Variants in ANK3 observed in about 807,000 individuals in gnomAD.
The protein encoded by ANK3 is ankyrin 3.
Under a neutral mutation model 370.9 loss-of-function variants are expected in ANK3, and 57 were observed. The ratio of observed to expected loss-of-function variants is 0.15; its 90% CI spans 0.12 to 0.19. The LOEUF is 0.19. Ranked by LOEUF, ANK3 falls within the 10% of genes least tolerant of loss-of-function variation. The pLI, the probability that ANK3 is intolerant of heterozygous loss-of-function variation, is 1.00. For missense variants in ANK3, 4,439 were observed against 5,302.1 expected, an observed-to-expected ratio of 0.84 and a Z score of 5.06; for synonymous variants, 1,929 against 1,946.3, an observed-to-expected ratio of 0.99 and a Z score of 0.23.
rs531332857 is a variant in ANK3 at position 60,068,729 on chromosome 10, G to A, written c.12152C>T (p.Thr4051Met). Reference sequence around the variant, plus strand: ...TGTTTTCTTATCTCTAGCAGACTTCGTTGTAACCGAAGGCTGGCCACCCCG... The same window carrying A: ...TGTTTTCTTATCTCTAGCAGACTTCATTGTAACCGAAGGCTGGCCACCCCG... Reference protein sequence around the residue: ...TSRGGQPSVTTKSARDKKTEA... With the variant: ...TSRGGQPSVTMKSARDKKTEA... The change falls in exon 37 of 44, where the codon ACG (threonine) becomes ATG (methionine). Residue 4051 changes from threonine (T) to methionine (M), a missense_variant. Thr to Met is a moderately conservative substitution (Grantham distance 81, BLOSUM62 -1). Coordinates refer to ENST00000280772, the MANE Select transcript of ANK3 (RefSeq NM_020987.5). 24 of 1,614,078 alleles carry A rather than the reference G, an allele frequency of 1.5e-5. No homozygotes were observed. Among genetic ancestry groups the A allele is most frequent in the East Asian group, 6.7e-5 (3 of 44,874 alleles).
intron 1 of ANK3, among the ~76,000 whole-genome samples, chr10:60,696,082 C>T (rs866948126): frequency 6.6e-6 from 1 of 150,746 alleles, no homozygotes; most frequent in South Asian, 2.1e-4. Flanking sequence ...CACCACCAAT[C>T]CCACAAAAAT....
At chr10:60,287,007 A>G (rs2132733414) in intron 1 of ANK3, among the ~76,000 whole-genome samples, 1 of 152,092 alleles carries the variant, frequency 6.6e-6, no homozygotes, top group South Asian at 2.1e-4. Context: ...ACAAATGGGG[A>G]GAGGAATATT....
chr10:60,092,887 C>T (rs2088965114), intron 28 of ANK3, among the ~76,000 whole-genome samples: 1 of 152,144 alleles, frequency 6.6e-6, no homozygotes, highest in African/African-American at 2.4e-5. Flanking sequence ...AGGCGTGTGC[C>T]ACCACGCCCA....
chr10:60,239,007 T>C (rs1001764433), intron 7 of ANK3, among the ~76,000 whole-genome samples: 3 of 152,098 alleles, frequency 2.0e-5, no homozygotes, highest in African/African-American at 7.2e-5. Flanking sequence ...TCAGAGTAAA[T>C]TGCTTTGTGG....
At chr10:60,453,968 T>C (rs1201577520) in intron 2 of ANK3, among the ~76,000 whole-genome samples, 5 of 152,160 alleles carry the variant, frequency 3.3e-5, no homozygotes, top group African/African-American at 1.2e-4. Context: ...ATATGACTGG[T>C]TTATAGGTTT....
Position 60,291,208 on chromosome 10 carries a change from T to C in ANK3, c.115-11569A>G, listed in dbSNP as rs2041300645. On this transcript the variant is annotated intron_variant, in intron 1 of 43. Transcript: ENST00000280772. ...TTCAGCTGCAAAATAGGATCTGTGTTTGTCTCAAATTTTCTGATAATATAA... is the reference window on the plus strand; with the variant it reads ...TTCAGCTGCAAAATAGGATCTGTGTCTGTCTCAAATTTTCTGATAATATAA... Among the ~76,000 whole-genome samples, 3 of 152,134 alleles carry C rather than the reference T, an allele frequency of 2.0e-5. No homozygotes were observed. In the South Asian group the frequency reaches 6.2e-4, roughly 32 times the overall value.
rs181117888 is a variant in ANK3, at chr10:60,585,487, T to C, written c.96+29699A>G. On this transcript the variant is annotated intron_variant, in intron 2 of 43. Transcript: ENST00000373827. ...GTAAGATAGGATACTGAGAACAACT[T>C]TGAAGGAAAAAACCCATTGAGATTT... 8.2e-4 allele frequency among the ~76,000 whole-genome samples: 124 copies of C among 152,098 alleles called. 3 individuals carry two copies. The East Asian group carries it at 0.016, about 20-fold the overall frequency.
intron 34 of ANK3, 88 bp from the exon 35 acceptor site, chr10:60,082,264 A>T: frequency 8.5e-7 from 1 of 1,176,464 alleles, no homozygotes; most frequent in Non-Finnish European, 1.2e-6. Flanking sequence ...AGGACTGAGT[A>T]GGGAGCACAA....
intron 1 of ANK3, among the ~76,000 whole-genome samples, chr10:60,692,796 T>C (rs1418117541): frequency 6.6e-6 from 1 of 152,242 alleles, no homozygotes; most frequent in Non-Finnish European, 1.5e-5. Flanking sequence ...AAAATTCAGG[T>C]GTTAGCTGAT....
intron 1 of ANK3, among the ~76,000 whole-genome samples, chr10:60,310,233 T>A (rs2046073553): frequency 6.6e-6 from 1 of 152,114 alleles, no homozygotes; most frequent in South Asian, 2.1e-4. Flanking sequence ...CTGCAGTTTT[T>A]TAAAAAGTCA....
intron 36 of ANK3, among the ~76,000 whole-genome samples, chr10:60,078,860 A>T (rs2084429430): frequency 6.6e-6 from 1 of 152,038 alleles, no homozygotes; most frequent in Non-Finnish European, 1.5e-5. Context: ...AAAACAGAAA[A>T]CTTCGCTCCT....
Position 60,200,228 on chromosome 10 carries a change from C to T in ANK3, c.1393-1G>A. On this transcript the variant is annotated splice_acceptor_variant, in intron 12 of 43. Coordinates refer to ENST00000280772, the MANE Select transcript of ANK3 (RefSeq NM_020987.5). LOFTEE classifies it high-confidence loss of function. ...CCATGTGCAGTGCTGTTTCTCCTCT[C>T]TGGGGAACATGAGCCAAAGTAAATT... The T allele has an allele frequency of 6.2e-7, 1 of 1,613,246 alleles. No homozygotes were observed. The highest frequency in any genetic ancestry group is 8.5e-7 in the Non-Finnish European group (1 of 1,179,232).
At chr10:60,654,508 G>T (rs1403867049) in intron 1 of ANK3, among the ~76,000 whole-genome samples, 2 of 152,060 alleles carry the variant, frequency 1.3e-5, no homozygotes. Flanking sequence ...AATATCAATG[G>T]TGTTAAATGA....
intron 1 of ANK3, among the ~76,000 whole-genome samples, chr10:60,318,592 T>A (rs7090125): frequency 0.15 from 22,165 of 152,096 alleles, 1,721 homozygotes; most frequent in African/African-American, 0.17. Context: ...TTAGTGGTTC[T>A]CTGAACTCTG....
intron 2 of ANK3, among the ~76,000 whole-genome samples, chr10:60,494,111 T>C (rs1290437195): frequency 6.6e-6 from 1 of 152,208 alleles, no homozygotes; most frequent in Non-Finnish European, 1.5e-5. Context: ...GCTGAACTAA[T>C]CTATCAACCA....
chr10:60,361,095 A>T (rs764760797), intron 1 of ANK3, among the ~76,000 whole-genome samples: 1 of 152,208 alleles, frequency 6.6e-6, no homozygotes, highest in Non-Finnish European at 1.5e-5. Flanking sequence ...GATGAGAGAT[A>T]CTGGACATAT....
In ANK3 at chr10:60,055,843, C is replaced by T. The variant is rs1446569409; in HGVS notation, c.12880G>A (p.Glu4294Lys). 6.2e-7 allele frequency: 1 copy of T among 1,614,168 alleles called. No homozygotes were observed. The highest frequency in any genetic ancestry group is 1.7e-5 in the Admixed American group (1 of 60,024). Residue 4294 changes from glutamate to lysine, a missense_variant, in exon 42 of 44, where the codon GAA becomes AAA. Transcript: ENST00000280772. ...KPKIHGSGHV[E>K]EPASPLAAYQ... ...GCTGCTAGTGGTGATGCTGGTTCTT[C>T]AACATGACCAGATCCATGTATTTTT...
intron 25 of ANK3, among the ~76,000 whole-genome samples, chr10:60,120,271 T>C (rs1286974088): frequency 6.6e-6 from 1 of 152,070 alleles, no homozygotes; most frequent in Non-Finnish European, 1.5e-5. Context: ...TGCAAAAGAA[T>C]GAAACTAGGC....
rs184466271 is a variant in ANK3 at position 60,463,255 on chromosome 10, T to C, written c.96+151931A>G. ...TCTTTCCTCTTTTGGACTTGTTCCA[T>C]AAGTTTTCTTAAACCTTACATTTAT... On this transcript the variant is annotated intron_variant, in intron 2 of 43. Transcript: ENST00000373827. 1.6e-4 allele frequency among the ~76,000 whole-genome samples: 24 copies of C among 152,332 alleles called. No individual in the cohort carries two copies. The East Asian group carries it at 4.2e-3, about 27-fold the overall frequency.
Sources: allele counts gnomAD v4.1 joint callset (sites outside exome capture counted in the v4.1 genomes callset), GRCh38; gene constraint gnomAD v4.1.1; transcripts MANE v1.5; gene names NCBI Gene and HGNC (gene_info 2026-07-23, HGNC 2026-07-21).